Variants in SLC18A1 observed in about 807,000 individuals in gnomAD.
SLC18A1 encodes the protein chromaffin granule amine transporter.
In SLC18A1, 69 loss-of-function variants were observed where a neutral mutation model predicts 53.7. That is an observed-to-expected ratio of 1.28 (90% CI 1.06 to 1.57). SLC18A1 has a LOEUF of 1.57. SLC18A1 is among the 40% of genes most tolerant of loss of function. SLC18A1 has a pLI of 0.00. For missense variants in SLC18A1, 932 were observed against 668.1 expected (o/e 1.40, Z -4.35); for synonymous variants, 320 against 248.1 (o/e 1.29, Z -2.72).
intron 10 of SLC18A1, chr8:20,151,056 C>A (rs771989708): frequency 1.4e-5 from 4 of 290,042 alleles, no homozygotes; most frequent in African/African-American, 2.1e-5. Context: ...ACTGCAGCCT[C>A]GACCTCCTGG....
At chr8:20,175,472 T>C (rs1266647154) in intron 4 of SLC18A1, 2 of 152,216 alleles carry the variant, frequency 1.3e-5, no homozygotes, top group South Asian at 2.1e-4. Context: ...TGTTCAGAGA[T>C]TGCAGTAAAG....
chr8:20,175,433 T>C (rs1181313460), intron 4 of SLC18A1: 2 of 152,296 alleles, frequency 1.3e-5, no homozygotes, highest in East Asian at 3.9e-4. Context: ...GGGGAAGTGA[T>C]AAATGTCCAT....
At chr8:20,165,397 C>G (rs141138728) in intron 8 of SLC18A1, among the ~76,000 whole-genome samples, 2 of 152,198 alleles carry the variant, frequency 1.3e-5, no homozygotes, top group East Asian at 3.9e-4. Flanking sequence ...TCAACAAGGT[C>G]AGAGTGGATT....
At chr8:20,155,305 T>C (rs1215637166) in intron 10 of SLC18A1, among the ~76,000 whole-genome samples, 1 of 152,204 alleles carries the variant, frequency 6.6e-6, no homozygotes, top group Non-Finnish European at 1.5e-5. Flanking sequence ...TTCCTTAGAA[T>C]CAGAGGAAAA....
intron 10 of SLC18A1, 59 bp from the exon 11 acceptor site, chr8:20,150,803 G>T: frequency 5.4e-6 from 8 of 1,469,896 alleles, no homozygotes; most frequent in Non-Finnish European, 5.7e-6. Context: ...AAAATGCCTT[G>T]TCTCGTACAA....
At chr8:20,174,493 C>G (rs1459942946) in intron 4 of SLC18A1, 49 bp from the exon 5 acceptor site, 14 of 1,287,062 alleles carry the variant, frequency 1.1e-5, no homozygotes, top group Non-Finnish European at 1.6e-5. Context: ...ATTGCCTTTG[C>G]TTCCCCAGCC....
At chr8:20,164,425 T>C (rs2071902032) in intron 10 of SLC18A1, among the ~76,000 whole-genome samples, 1 of 152,182 alleles carries the variant, frequency 6.6e-6, no homozygotes, top group Non-Finnish European at 1.5e-5. Context: ...TGGTGCACAT[T>C]AATATTGTAC....
chr8:20,167,751 G>C (rs1212187047), intron 8 of SLC18A1, among the ~76,000 whole-genome samples: 2 of 151,922 alleles, frequency 1.3e-5, no homozygotes. Context: ...CTCCTGAGTA[G>C]CTGGGACTAC....
chr8:20,180,279 T>C (rs1414378586), intron 2 of SLC18A1, among the ~76,000 whole-genome samples: 4 of 152,124 alleles, frequency 2.6e-5, no homozygotes, highest in Non-Finnish European at 5.9e-5. Flanking sequence ...AAAGATCCTT[T>C]TTTAAAAACA....
At chr8:20,147,452 C>A in intron 14 of SLC18A1, 61 bp from the exon 15 acceptor site, 1 of 1,580,372 alleles carries the variant, frequency 6.3e-7, no homozygotes, top group South Asian at 1.2e-5. Flanking sequence ...GCATCCTCCA[C>A]GTAGGACACT....
At position 20,145,716 on chromosome 8, in the gene SLC18A1, A is replaced by G; in HGVS notation, c.*47T>C. The G allele has an allele frequency of 1.6e-6, 2 of 1,236,876 alleles. No homozygotes were observed. Among genetic ancestry groups the G allele is most frequent in the South Asian group, 1.3e-5 (1 of 75,636 alleles). The allele number at this position is 1,236,876 out of a possible 1,614,324, so 76.6% of individuals were successfully genotyped here. A position where few individuals can be genotyped will look rare whatever the true frequency, so the allele number is the denominator to read the frequency against. The stretch of plus-strand genomic sequence containing the variant: ...GCCATGGTGATCTGGTCCCAGGGAA[A>G]GAGGTGGTCACTGAGGCATCATGAA... On this transcript the variant is annotated 3_prime_UTR_variant, in exon 16 of 16. Transcript: ENST00000276373.
chr8:20,152,143 C>T (rs1374922145), intron 10 of SLC18A1, among the ~76,000 whole-genome samples: 1 of 151,970 alleles, frequency 6.6e-6, no homozygotes, highest in Non-Finnish European at 1.5e-5. Context: ...TAAAAAGCAC[C>T]TAATGGAAAT....
At chr8:20,182,093 T>G (rs1414584571) in intron 1 of SLC18A1, 1 of 152,236 alleles carries the variant, frequency 6.6e-6, no homozygotes, top group Non-Finnish European at 1.5e-5. Context: ...TTGACGTGGC[T>G]TCTGTTGTGG....
intron 6 of SLC18A1, among the ~76,000 whole-genome samples, chr8:20,172,792 C>T (rs1201114002): frequency 6.6e-6 from 1 of 152,182 alleles, no homozygotes; most frequent in African/African-American, 2.4e-5. Context: ...AAGCAGTGGC[C>T]TCTAAATCGG....
intron 10 of SLC18A1, chr8:20,151,044 C>T: frequency 3.1e-6 from 1 of 327,850 alleles, no homozygotes; most frequent in South Asian, 4.4e-5. Flanking sequence ...CAATCTCAGC[C>T]CACTGCAGCC....
chr8:20,179,135 G>A lies in SLC18A1; in HGVS notation c.474C>T (p.Gly158=), dbSNP rs371826814. 1.6e-5 allele frequency: 26 copies of A among 1,611,416 alleles called. No homozygotes were observed. The highest frequency in any genetic ancestry group is 2.1e-5 in the Non-Finnish European group (25 of 1,178,268). ...VMQLLVNPFV[G]PLTNRIGYHI... is the part of the protein sequence containing the mutation. ...CAGTGAGATACCTGTTGGTGAGAGGGCCCACGAATGGGTTGACCAGAAGTT... is the reference window on the plus strand; with the variant it reads ...CAGTGAGATACCTGTTGGTGAGAGGACCCACGAATGGGTTGACCAGAAGTT... Residue 158 remains glycine (G), a synonymous_variant, in exon 3 of 16, where the codon GGC becomes GGT. Transcript: ENST00000276373.
Position 20,173,024 on chromosome 8 carries a change from G to A in SLC18A1, c.724+12C>T, listed in dbSNP as rs1198693153. ...CCCTCCCGAACCCAGAGCTCCAGCT[G>A]GTGCCACTTACCCAGCAACCCCAAG... On this transcript the variant is annotated intron_variant, in intron 6 of 15. Transcript: ENST00000276373. 1.9e-6 allele frequency: 3 copies of A among 1,565,258 alleles called. No individual in the cohort carries two copies. Among genetic ancestry groups the A allele is most frequent in the South Asian group, 2.3e-5 (2 of 85,554 alleles).
chr8:20,159,669 A>AAAAAGAAAAG (rs1253324796), intron 10 of SLC18A1, among the ~76,000 whole-genome samples: 2 of 150,394 alleles, frequency 1.3e-5, no homozygotes, highest in African/African-American at 4.9e-5. Context: ...AAAAAGAAAG[A>AAAAAGAAAAG]AAAAGAAAAG....
At chr8:20,162,499 T>C (rs965195132) in intron 10 of SLC18A1, among the ~76,000 whole-genome samples, 9 of 152,358 alleles carry the variant, frequency 5.9e-5, no homozygotes, top group African/African-American at 2.2e-4. Context: ...CATGTCACTA[T>C]ATATGCAGTT....
Sources: allele counts gnomAD v4.1 joint callset (sites outside exome capture counted in the v4.1 genomes callset), GRCh38; gene constraint gnomAD v4.1.1; transcripts MANE v1.5; gene names NCBI Gene and HGNC (gene_info 2026-07-23, HGNC 2026-07-21).